The following ATP8A2 variants were observed in gnomAD, a reference collection of about 807,000 sequenced individuals.
ATP8A2 encodes ATPase phospholipid transporting 8A2, also known as phospholipid-transporting ATPase IB.
In ATP8A2, 100 loss-of-function variants were observed where a neutral mutation model predicts 165.6. The ratio of observed to expected loss-of-function variants is 0.60; its 90% CI spans 0.51 to 0.71. The LOEUF (loss-of-function observed/expected upper bound fraction) is 0.71, where lower values mean the gene tolerates loss of function less well. Ranked by LOEUF, ATP8A2 falls within the 30% of genes least tolerant of loss-of-function variation. ATP8A2 has a pLI of 0.00. For synonymous variants in ATP8A2, 543 were observed against 548.8 expected, an observed-to-expected ratio of 0.99 and a Z score of 0.15; for missense variants, 1,227 against 1,479.5, an observed-to-expected ratio of 0.83 and a Z score of 2.80.
At position 26,025,116 on chromosome 13, in the gene ATP8A2, C is replaced by CAAAAAAAAAAAAAAAAAAAAAA. The variant is rs71080217; in HGVS notation, c.*5152_*5153insAAAAAAAAAAAAAAAAAAAAAA. On this transcript the variant is annotated 3_prime_UTR_variant, in exon 37 of 37. Coordinates refer to ENST00000381655, the MANE Select transcript of ATP8A2 (RefSeq NM_016529.6). ...GTGAATCAATAAACACCAACAACAA[C>CAAAAAAAAAAAAAAAAAAAAAA]AAAAAAAAAAAAAAAAAAAAAGGAA... 3.2e-5 allele frequency: 3 copies of CAAAAAAAAAAAAAAAAAAAAAA among 94,818 alleles called. No homozygotes were observed. Among genetic ancestry groups the CAAAAAAAAAAAAAAAAAAAAAA allele is most frequent in the East Asian group, 3.3e-4 (1 of 2,994 alleles). 5.9% of individuals were successfully genotyped at this position (94,818 alleles called of 1,614,324 possible).
chr13:25,827,082 T>C (rs1951338668), intron 27 of ATP8A2, among the ~76,000 whole-genome samples: 1 of 152,200 alleles, frequency 6.6e-6, no homozygotes, highest in Admixed American at 6.5e-5. Context: ...TGACAGTGTT[T>C]TTTGTTTTTT....
At chr13:25,932,327 T>C (rs1173264331) in intron 33 of ATP8A2, among the ~76,000 whole-genome samples, 1 of 152,150 alleles carries the variant, frequency 6.6e-6, no homozygotes, top group Non-Finnish European at 1.5e-5. Flanking sequence ...AGCATTTTGC[T>C]TGGGGATTCC....
intron 1 of ATP8A2, among the ~76,000 whole-genome samples, chr13:25,457,047 G>A (rs539160588): frequency 6.6e-6 from 1 of 152,270 alleles, no homozygotes; most frequent in East Asian, 1.9e-4. Flanking sequence ...GTAGGGCCAC[G>A]TTCAAAGCCG....
At chr13:25,910,332 T>C (rs1218433085) in intron 33 of ATP8A2, among the ~76,000 whole-genome samples, 1 of 152,190 alleles carries the variant, frequency 6.6e-6, no homozygotes, top group Non-Finnish European at 1.5e-5. Context: ...TCCTCATGCC[T>C]CACTGTAAAT....
chr13:25,807,909 T>A (rs1950776363), intron 27 of ATP8A2, among the ~76,000 whole-genome samples: 1 of 152,184 alleles, frequency 6.6e-6, no homozygotes, highest in Non-Finnish European at 1.5e-5. Context: ...ATTTTATGTT[T>A]TATTGTTCTT....
chr13:25,827,408 G>A (rs918857453), intron 27 of ATP8A2, among the ~76,000 whole-genome samples: 11 of 152,128 alleles, frequency 7.2e-5, no homozygotes, highest in Non-Finnish European at 1.0e-4. Context: ...CACCACGCCC[G>A]GTCTCTGACA....
At chr13:25,383,226 A>G (rs1164486973) in intron 1 of ATP8A2, among the ~76,000 whole-genome samples, 3 of 151,816 alleles carry the variant, frequency 2.0e-5, no homozygotes, top group Non-Finnish European at 4.4e-5. Context: ...TTGTATTTTT[A>G]GTAGAGACGG....
chr13:25,434,954 G>A (rs775579421), intron 1 of ATP8A2, among the ~76,000 whole-genome samples: 5 of 152,136 alleles, frequency 3.3e-5, no homozygotes, highest in East Asian at 1.9e-4. Flanking sequence ...TGATGATGGC[G>A]TTAATGAGAA....
intron 33 of ATP8A2, among the ~76,000 whole-genome samples, chr13:25,898,689 C>T (rs1316973523): frequency 6.6e-6 from 1 of 152,174 alleles, no homozygotes; most frequent in Non-Finnish European, 1.5e-5. Flanking sequence ...TCCAGCTTCC[C>T]AGCTGGCCAC....
At chr13:25,638,911 G>C (rs1338645992) in intron 24 of ATP8A2, among the ~76,000 whole-genome samples, 1 of 152,154 alleles carries the variant, frequency 6.6e-6, no homozygotes, top group Non-Finnish European at 1.5e-5. Flanking sequence ...GGATCTCTTG[G>C]CAGAAACTCT....
intron 1 of ATP8A2, among the ~76,000 whole-genome samples, chr13:25,462,338 A>G (rs2035526454): frequency 6.6e-6 from 1 of 152,202 alleles, no homozygotes; most frequent in Non-Finnish European, 1.5e-5. Context: ...CATCTGACCA[A>G]CTGGCTACAC....
At chr13:25,725,258 C>T (rs1393759389) in intron 25 of ATP8A2, among the ~76,000 whole-genome samples, 10 of 152,238 alleles carry the variant, frequency 6.6e-5, no homozygotes, top group Non-Finnish European at 1.0e-4. Flanking sequence ...TCTGTGAGCA[C>T]GTGTCTGTAC....
chr13:25,533,453 A>C (rs45451496), intron 6 of ATP8A2, 140 bp downstream of exon 6: 156,919 of 522,166 alleles, frequency 0.3, 27,138 homozygotes, highest in Non-Finnish European at 0.37. Context: ...ATGCGTGTTT[A>C]CTCCTTCCCT....
chr13:25,734,926 A>T (rs1213897918), intron 25 of ATP8A2, among the ~76,000 whole-genome samples: 1 of 151,946 alleles, frequency 6.6e-6, no homozygotes, highest in South Asian at 2.1e-4. Context: ...GGCGTGAGCT[A>T]CCATGCCTGG....
intron 25 of ATP8A2, among the ~76,000 whole-genome samples, chr13:25,765,342 G>A (rs2044469354): frequency 6.6e-6 from 1 of 152,154 alleles, no homozygotes; most frequent in South Asian, 2.1e-4. Flanking sequence ...TATTTTATAG[G>A]TTGAATTATT....
chr13:25,739,704 A>G (rs2043866245), intron 25 of ATP8A2, among the ~76,000 whole-genome samples: 1 of 152,190 alleles, frequency 6.6e-6, no homozygotes, highest in Admixed American at 6.5e-5. Context: ...AGAGGAATAA[A>G]CTTAAACTTC....
chr13:25,799,574 T>A (rs916291186), intron 27 of ATP8A2, among the ~76,000 whole-genome samples: 2 of 152,184 alleles, frequency 1.3e-5, no homozygotes, highest in Non-Finnish European at 2.9e-5. Context: ...TTGAAAATAA[T>A]TTCACACAAG....
At chr13:25,648,848 GT>G (rs1593133197) in intron 24 of ATP8A2, among the ~76,000 whole-genome samples, 1 of 151,998 alleles carries the variant, frequency 6.6e-6, no homozygotes, top group East Asian at 1.9e-4. Context: ...GTTTTGTATT[GT>G]TTCTTTCTGA....
intron 27 of ATP8A2, among the ~76,000 whole-genome samples, chr13:25,792,504 A>G (rs2045204724): frequency 6.6e-6 from 1 of 152,210 alleles, no homozygotes; most frequent in Non-Finnish European, 1.5e-5. Flanking sequence ...AGACTCACTA[A>G]GTATGTATTA....
Sources: allele counts gnomAD v4.1 joint callset (sites outside exome capture counted in the v4.1 genomes callset), GRCh38; gene constraint gnomAD v4.1.1; transcripts MANE v1.5; gene names NCBI Gene and HGNC (gene_info 2026-07-23, HGNC 2026-07-21).